EXOC6B: variants seen among roughly 807,000 people sequenced by gnomAD.
The protein encoded by EXOC6B is exocyst complex component 6B.
Under a neutral mutation model 113.5 loss-of-function variants are expected in EXOC6B, and 54 were observed. The observed-to-expected ratio is 0.48, with a 90% confidence interval of 0.38 to 0.60. The LOEUF (loss-of-function observed/expected upper bound fraction) is 0.60. Ranked by LOEUF, EXOC6B falls within the 20% of genes least tolerant of loss-of-function variation. The pLI, the probability that EXOC6B is intolerant of heterozygous loss-of-function variation, is 0.00. For synonymous variants in EXOC6B, 357 were observed against 339.0 expected, an observed-to-expected ratio of 1.05 and a Z score of -0.58; for missense variants, 797 against 977.5, an observed-to-expected ratio of 0.82 and a Z score of 2.46.
rs555934655 is a variant in EXOC6B, at chr2:72,392,492, C to T, written c.1981-12622G>A. Among the ~76,000 whole-genome samples the T allele has an allele frequency of 2.5e-3, 375 of 152,198 alleles. 2 individuals are homozygous for T. The highest frequency in any genetic ancestry group is 8.3e-3 in the African/African-American group (345 of 41,512). On this transcript the variant is annotated intron_variant, in intron 18 of 21. Transcript: ENST00000272427. The stretch of plus-strand genomic sequence containing the variant: ...TTTGATACAATTTGTCTATTCTTTC[C>T]CCTGTTTTCTTTAACATGTTAATCA...
intron 20 of EXOC6B, among the ~76,000 whole-genome samples, chr2:72,244,384 T>C (rs1396415385): frequency 6.6e-6 from 1 of 152,138 alleles, no homozygotes; most frequent in Non-Finnish European, 1.5e-5. Context: ...CTCATTAAAA[T>C]TTGTGGATGC....
At chr2:72,469,645 G>A (rs1698272917) in intron 17 of EXOC6B, among the ~76,000 whole-genome samples, 1 of 152,044 alleles carries the variant, frequency 6.6e-6, no homozygotes, top group African/African-American at 2.4e-5. Flanking sequence ...TGAGAGGAAT[G>A]TTAGTATAAT....
At chr2:72,428,256 C>G (rs1245056425) in intron 18 of EXOC6B, among the ~76,000 whole-genome samples, 3 of 152,208 alleles carry the variant, frequency 2.0e-5, no homozygotes, top group African/African-American at 7.2e-5. Flanking sequence ...TCGCCACGTT[C>G]CAGGCAAAGA....
intron 6 of EXOC6B, among the ~76,000 whole-genome samples, chr2:72,631,488 AG>A: frequency 4.0e-5 from 3 of 74,282 alleles, no homozygotes; most frequent in Non-Finnish European, 8.3e-5. Flanking sequence ...AGAGAGAGAG[AG>A]AGAGAGAGAG....
At chr2:72,318,212 T>C (rs1049490836) in intron 20 of EXOC6B, among the ~76,000 whole-genome samples, 17 of 152,104 alleles carry the variant, frequency 1.1e-4, no homozygotes, top group African/African-American at 1.9e-4. Flanking sequence ...TTATAAAAAA[T>C]TAAAAACCGA....
Position 72,179,389 on chromosome 2 carries a change from G to T in EXOC6B, c.2382C>A (p.Leu794=). 1 of 1,613,736 alleles carries T rather than the reference G, an allele frequency of 6.2e-7. No individual in the cohort carries two copies. Among genetic ancestry groups the T allele is most frequent in the Non-Finnish European group, 8.5e-7 (1 of 1,179,836 alleles). Residue 794 remains leucine (L), a synonymous_variant, in exon 22 of 22, where the codon CTC becomes CTA. Coordinates refer to ENST00000272427, the MANE Select transcript of EXOC6B (RefSeq NM_015189.3). ...GGAGCTGCTTGGCCACGGTGTCAAT[G>T]AGTTTCTGCTTGTCTCGCTCATTTT... The part of the protein sequence containing the change: ...FRKNERDKQK[L]IDTVAKQLRG...
chr2:72,543,926 C>T (rs1702760734), intron 8 of EXOC6B, among the ~76,000 whole-genome samples: 1 of 152,094 alleles, frequency 6.6e-6, no homozygotes, highest in African/African-American at 2.4e-5. Flanking sequence ...AAACTTTCCA[C>T]ATTAAAAAAT....
chr2:72,752,031 T>C (rs1431922163), intron 1 of EXOC6B, among the ~76,000 whole-genome samples: 1 of 152,142 alleles, frequency 6.6e-6, no homozygotes, highest in African/African-American at 2.4e-5. Context: ...TATAAATATA[T>C]GGACCCCTAG....
intron 10 of EXOC6B, 119 bp from the exon 11 acceptor site, chr2:72,513,371 T>G: frequency 7.9e-7 from 1 of 1,264,278 alleles, no homozygotes; most frequent in South Asian, 1.5e-5. Flanking sequence ...CATTTTTTTC[T>G]TGAAGAAACT....
At chr2:72,642,191 A>G (rs1369545415) in intron 6 of EXOC6B, among the ~76,000 whole-genome samples, 1 of 151,866 alleles carries the variant, frequency 6.6e-6, no homozygotes, top group East Asian at 1.9e-4. Context: ...ATACTGCCCA[A>G]GGTAATTTAC....
At chr2:72,258,541 T>G (rs184998075) in intron 20 of EXOC6B, among the ~76,000 whole-genome samples, 194 of 151,712 alleles carry the variant, frequency 1.3e-3, no homozygotes, top group Non-Finnish European at 2.3e-3. Context: ...TTTTTAAATT[T>G]TTTCTTTTAT....
At chr2:72,652,754 T>C (rs1424228608) in intron 6 of EXOC6B, among the ~76,000 whole-genome samples, 1 of 148,032 alleles carries the variant, frequency 6.8e-6, no homozygotes, top group Non-Finnish European at 1.5e-5. Flanking sequence ...ATCTAATATA[T>C]AAAATATGTA....
In EXOC6B at chr2:72,559,537, T is replaced by C; in HGVS notation, c.847-16A>G. ...CCCCAGGTACCTGCAAACACAAGAT[T>C]ATAACAAAAAAATTCAAACAAAGCT... On this transcript the variant is annotated splice_polypyrimidine_tract_variant and intron_variant, in intron 7 of 21. Transcript: ENST00000272427. 6.2e-7 allele frequency: 1 copy of C among 1,603,510 alleles called. No individual in the cohort carries two copies. The highest frequency in any genetic ancestry group is 2.2e-5 in the East Asian group (1 of 44,754).
intron 19 of EXOC6B, among the ~76,000 whole-genome samples, chr2:72,340,331 T>G (rs1409312086): frequency 6.6e-6 from 1 of 152,154 alleles, no homozygotes; most frequent in Admixed American, 6.6e-5. Context: ...CTAATTTTTC[T>G]AAATCTTTGC....
intron 8 of EXOC6B, among the ~76,000 whole-genome samples, chr2:72,528,535 T>G (rs1310497912): frequency 1.1e-4 from 17 of 152,128 alleles, no homozygotes; most frequent in Non-Finnish European, 8.8e-5. Context: ...ATTTTGCCTT[T>G]CAATACAAAT....
At chr2:72,703,014 T>C (rs1488496101) in intron 6 of EXOC6B, among the ~76,000 whole-genome samples, 2 of 150,304 alleles carry the variant, frequency 1.3e-5, no homozygotes, top group African/African-American at 2.4e-5. Context: ...ATGTCCTGAA[T>C]GGTAATGCCT....
intron 19 of EXOC6B, among the ~76,000 whole-genome samples, chr2:72,342,279 TA>T (rs1689075399): frequency 6.6e-6 from 1 of 151,678 alleles, no homozygotes; most frequent in Non-Finnish European, 1.5e-5. Flanking sequence ...AGAAATGAAA[TA>T]GAGACTAGAA....
chr2:72,612,543 T>C (rs952819780), intron 6 of EXOC6B, among the ~76,000 whole-genome samples: 4 of 152,008 alleles, frequency 2.6e-5, no homozygotes, highest in South Asian at 2.1e-4. Context: ...TCAGGTGAGG[T>C]TTCTACGAAT....
At chr2:72,745,478 TAA>T (rs1355545043) in intron 1 of EXOC6B, among the ~76,000 whole-genome samples, 1 of 151,998 alleles carries the variant, frequency 6.6e-6, no homozygotes, top group African/African-American at 2.4e-5. Flanking sequence ...GAATAAAACG[TAA>T]AACACCCATA....
Sources: gnomAD v4.1 joint callset for allele counts (sites outside exome capture counted in the v4.1 genomes callset) on GRCh38, gnomAD v4.1.1 for gene constraint, MANE v1.5 for transcripts, NCBI Gene and HGNC (gene_info 2026-07-23, HGNC 2026-07-21) for gene names.